The following ARID1B variants were observed in gnomAD, a reference collection of about 807,000 sequenced individuals.
ARID1B encodes the protein AT-rich interaction domain 1B.
A neutral mutation model predicts 212.3 loss-of-function variants in ARID1B; 30 were observed. The ratio of observed to expected loss-of-function variants is 0.14; its 90% CI spans 0.11 to 0.19. The LOEUF is 0.19. Ranked by LOEUF, ARID1B falls within the 10% of genes least tolerant of loss-of-function variation. The probability of loss-of-function intolerance (pLI) is 1.00; values close to 1 mark genes in which losing one functional copy is unlikely to be tolerated. For synonymous variants in ARID1B, 1,402 were observed against 1,301.7 expected, an observed-to-expected ratio of 1.08 and a Z score of -1.66; for missense variants, 2,891 against 3,204.0, an observed-to-expected ratio of 0.90 and a Z score of 2.36.
At chr6:157,138,482 C>T (rs1789098001) in intron 7 of ARID1B, among the ~76,000 whole-genome samples, 1 of 152,180 alleles carries the variant, frequency 6.6e-6, no homozygotes, top group African/African-American at 2.4e-5. Context: ...ACATGATCCA[C>T]CCACCTCGGC....
At chr6:157,139,859 A>C (rs1489343623) in intron 7 of ARID1B, among the ~76,000 whole-genome samples, 1 of 151,272 alleles carries the variant, frequency 6.6e-6, no homozygotes, top group African/African-American at 2.4e-5. Context: ...GGTAGCTAGG[A>C]TTACAGGCGC....
chr6:156,876,903 T>A (rs1220107484), intron 2 of ARID1B, among the ~76,000 whole-genome samples: 4 of 152,190 alleles, frequency 2.6e-5, no homozygotes. Context: ...TGTTGTTGTT[T>A]GTTTGTTTTT....
intron 1 of ARID1B, among the ~76,000 whole-genome samples, chr6:156,800,601 A>T (rs186323755): frequency 6.6e-6 from 1 of 152,204 alleles, no homozygotes; most frequent in African/African-American, 2.4e-5. Context: ...AAGAAAAAAA[A>T]GCAAATAAAA....
intron 1 of ARID1B, chr6:156,780,534 T>G (rs1444461626): frequency 1.3e-5 from 2 of 152,226 alleles, no homozygotes; most frequent in Non-Finnish European, 2.9e-5. Flanking sequence ...GCCTCTGAGT[T>G]GACATCTAAT....
At chr6:157,065,489 A>C (rs1172153313) in intron 4 of ARID1B, among the ~76,000 whole-genome samples, 1 of 152,260 alleles carries the variant, frequency 6.6e-6, no homozygotes, top group Non-Finnish European at 1.5e-5. Context: ...TTACTTTCAA[A>C]TACATCAAGC....
intron 5 of ARID1B, among the ~76,000 whole-genome samples, chr6:157,098,285 T>C (rs892660992): frequency 2.0e-5 from 3 of 152,218 alleles, no homozygotes; most frequent in Non-Finnish European, 4.4e-5. Context: ...TGTCTGGTGT[T>C]CTGCCTGAGG....
At chr6:157,071,806 T>G (rs1054007095) in intron 4 of ARID1B, 4 of 152,228 alleles carry the variant, frequency 2.6e-5, no homozygotes, top group Non-Finnish European at 5.9e-5. Context: ...TTCCTATGTC[T>G]GAATTTATTT....
Position 157,207,264 on chromosome 6 carries a change from G to A in ARID1B, c.6492G>A (p.Thr2164=), listed in dbSNP as rs757730301. 11 of 1,614,028 alleles carry A rather than the reference G, an allele frequency of 6.8e-6. No individual in the cohort carries two copies. In the Admixed American group the frequency reaches 1.3e-4, roughly 20 times the overall value. ...ISGQLDLSAY[T]ESICLPILDG... ...GGCAGCTAGACTTGTCTGCTTACAC[G>A]GAAAGCATCTGCTTGCCAATTTTGG... Residue 2164 remains threonine, a synonymous_variant, in exon 20 of 20, where the codon ACG becomes ACA. Coordinates refer to ENST00000636930, the MANE Select transcript of ARID1B (RefSeq NM_001374828.1). This position sits in a 1 kb window ranked among gnomAD's most constrained non-coding sequence, Gnocchi z 8.5.
At chr6:157,064,101 T>C (rs189423712) in intron 4 of ARID1B, among the ~76,000 whole-genome samples, 2 of 152,362 alleles carry the variant, frequency 1.3e-5, no homozygotes, top group East Asian at 3.9e-4. Flanking sequence ...ATTCTGGTTG[T>C]GCAGTCATCT....
At chr6:157,196,475 TG>T (rs942415948) in intron 16 of ARID1B, among the ~76,000 whole-genome samples, 160 bp downstream of exon 16, 1 of 152,116 alleles carries the variant, frequency 6.6e-6, no homozygotes, top group African/African-American at 2.4e-5. Flanking sequence ...ACCAGGTGAG[TG>T]TCAGGTGGCT....
At chr6:156,901,760 G>T in intron 3 of ARID1B, 2 of 578,298 alleles carry the variant, frequency 3.5e-6, no homozygotes, top group Non-Finnish European at 5.9e-6. Flanking sequence ...TTACTGGTTA[G>T]TGGCAGCAGA....
chr6:156,971,648 C>T (rs923427657), intron 4 of ARID1B, among the ~76,000 whole-genome samples: 4 of 152,088 alleles, frequency 2.6e-5, no homozygotes, highest in Admixed American at 2.0e-4. Context: ...GGGTGTCAGC[C>T]GGGGCTGTGA....
chr6:157,145,501 C>T (rs1416803043), intron 7 of ARID1B, among the ~76,000 whole-genome samples: 2 of 152,152 alleles, frequency 1.3e-5, no homozygotes, highest in East Asian at 1.9e-4. Context: ...ACACGCCTCC[C>T]GGACAGCCAA....
chr6:157,030,798 G>C (rs1780971913), intron 4 of ARID1B, among the ~76,000 whole-genome samples: 1 of 152,162 alleles, frequency 6.6e-6, no homozygotes, highest in South Asian at 2.1e-4. Context: ...TGATTGCATA[G>C]ATGTATTTTT....
rs577297898 is a variant in ARID1B, at chr6:156,782,906, T to C, written c.1791+3435T>C. 2.6e-5 allele frequency among the ~76,000 whole-genome samples: 4 copies of C among 152,196 alleles called. No homozygotes were observed. The South Asian group carries it at 6.2e-4, about 24-fold the overall frequency. On this transcript the variant is annotated intron_variant, in intron 1 of 19. Transcript: ENST00000636930. ...TTCTGAATCATCTGGGATGAAATTA[T>C]GCATGGCTTAAAATCGTTTTCATTG... is the stretch of plus-strand genomic sequence containing the variant.
intron 5 of ARID1B, among the ~76,000 whole-genome samples, chr6:157,101,031 A>G (rs1382771251): frequency 6.6e-6 from 1 of 152,250 alleles, no homozygotes; most frequent in African/African-American, 2.4e-5. Flanking sequence ...AAGATTTGAA[A>G]GAGAGCCGAT....
intron 4 of ARID1B, among the ~76,000 whole-genome samples, chr6:157,064,540 T>G (rs529597433): frequency 9.2e-5 from 14 of 152,344 alleles, no homozygotes; most frequent in South Asian, 4.1e-4. Flanking sequence ...ACTCTTCTAA[T>G]GCTTCTTATT....
At chr6:156,900,628 C>T (rs1394755188) in intron 2 of ARID1B, among the ~76,000 whole-genome samples, 1 of 152,124 alleles carries the variant, frequency 6.6e-6, no homozygotes, top group Non-Finnish European at 1.5e-5. Flanking sequence ...ATAGATTTCT[C>T]ATTAAGAAAA....
chr6:156,842,707 G>A (rs188864423), intron 2 of ARID1B, among the ~76,000 whole-genome samples: 2 of 152,286 alleles, frequency 1.3e-5, no homozygotes, highest in South Asian at 2.1e-4. Flanking sequence ...CATAGTGGCT[G>A]TACCATTTTA....
Sources: allele counts gnomAD v4.1 joint callset (sites outside exome capture counted in the v4.1 genomes callset), GRCh38; gene constraint gnomAD v4.1.1; non-coding constraint Gnocchi (gnomAD v3.1); transcripts MANE v1.5; gene names NCBI Gene and HGNC (gene_info 2026-07-23, HGNC 2026-07-21).